The following NIPBL variants were observed in gnomAD, a reference collection of about 807,000 sequenced individuals.
The protein encoded by NIPBL is nipped-B-like protein.
A neutral mutation model predicts 321.8 loss-of-function variants in NIPBL; 19 were observed. The ratio of observed to expected loss-of-function variants is 0.06; its 90% CI spans 0.04 to 0.09. NIPBL has a LOEUF of 0.09. Ranked by LOEUF, NIPBL falls within the 10% of genes least tolerant of loss-of-function variation. The probability of loss-of-function intolerance (pLI) is 1.00; values close to 1 mark genes in which losing one functional copy is unlikely to be tolerated. For synonymous variants in NIPBL, 1,106 were observed against 1,114.1 expected (o/e 0.99, Z 0.14); for missense variants, 2,210 against 3,327.0 (o/e 0.66, Z 8.26).
chr5:36,973,530 T>C (rs1743112823), intron 8 of NIPBL, among the ~76,000 whole-genome samples: 1 of 151,968 alleles, frequency 6.6e-6, no homozygotes. Flanking sequence ...TGCAGTGGCA[T>C]GATCTCGGCT....
chr5:37,017,691 TA>T (rs1453006542), intron 24 of NIPBL, among the ~76,000 whole-genome samples: 1 of 151,936 alleles, frequency 6.6e-6, no homozygotes. Context: ...AATCCTACTA[TA>T]TACAACTTCT....
Position 36,984,906 on chromosome 5 carries a change from G to T in NIPBL, c.1726G>T (p.Ala576Ser). ...KPEEIKQCND[A>S]PVSVLQEDIV... ...TGAAGAAATCAAACAATGTAATGAT[G>T]CACCTGTTTCTGTTCTTCAGGAAGA... is the stretch of plus-strand genomic sequence containing the variant. Residue 576 changes from alanine (A) to serine (S), a missense_variant, in exon 10 of 47, where the codon GCA (alanine) becomes TCA (serine). Ala to Ser is a moderately conservative substitution (Grantham distance 99). This residue lies in a region of NIPBL where 588 missense variants were observed against 564.1 expected (regional missense o/e 1.04). Coordinates refer to ENST00000282516, the MANE Select transcript of NIPBL (RefSeq NM_133433.4). The T allele has an allele frequency of 6.2e-7, 1 of 1,613,812 alleles. No individual in the cohort carries two copies. The highest frequency in any genetic ancestry group is 8.5e-7 in the Non-Finnish European group (1 of 1,179,880).
At chr5:37,040,729 C>T (rs1244467181) in intron 34 of NIPBL, among the ~76,000 whole-genome samples, 1 of 152,106 alleles carries the variant, frequency 6.6e-6, no homozygotes, top group Non-Finnish European at 1.5e-5. Flanking sequence ...AGTGGACTTG[C>T]TAGGTTGAAA....
chr5:36,923,983 C>G (rs1247791823), intron 1 of NIPBL, among the ~76,000 whole-genome samples: 1 of 152,036 alleles, frequency 6.6e-6, no homozygotes, highest in Non-Finnish European at 1.5e-5. Context: ...ACTAATTGTC[C>G]TATAGATGAC....
intron 42 of NIPBL, 80 bp downstream of exon 42, chr5:37,052,646 A>G: frequency 1.9e-6 from 2 of 1,047,164 alleles, no homozygotes; most frequent in South Asian, 2.7e-5. Context: ...TTTAAATATT[A>G]CCATTTTATT....
At chr5:36,910,412 C>CT (rs1034566525) in intron 1 of NIPBL, among the ~76,000 whole-genome samples, 4 of 152,144 alleles carry the variant, frequency 2.6e-5, no homozygotes, top group Non-Finnish European at 4.4e-5. Flanking sequence ...TCATGGGCAC[C>CT]TTAGGCTCAG....
At chr5:36,887,461 G>A (rs139807317) in intron 1 of NIPBL, among the ~76,000 whole-genome samples, 13 of 152,218 alleles carry the variant, frequency 8.5e-5, no homozygotes, top group East Asian at 7.7e-4. Flanking sequence ...GAAAATTGGG[G>A]GCAGATAATG....
Position 36,985,043 on chromosome 5 carries a change from A to G in NIPBL, c.1863A>G (p.Ala621=). ...TGAAACAAAGTGAAAGTAGATTAGCAGAATCTAAACCAAATGAAAACCGAT... is the reference window on the plus strand; with the variant it reads ...TGAAACAAAGTGAAAGTAGATTAGCGGAATCTAAACCAAATGAAAACCGAT... ...SEMKQSESRL[A]ESKPNENRLV... Residue 621 remains alanine (A), a synonymous_variant, in exon 10 of 47, where the codon GCA becomes GCG. Transcript: ENST00000282516. 1 of 1,613,946 alleles carries G rather than the reference A, an allele frequency of 6.2e-7. No individual in the cohort carries two copies. The highest frequency in any genetic ancestry group is 8.5e-7 in the Non-Finnish European group (1 of 1,179,962).
chr5:36,942,623 C>T (rs879411735), intron 1 of NIPBL, among the ~76,000 whole-genome samples: 1 of 150,796 alleles, frequency 6.6e-6, no homozygotes, highest in Non-Finnish European at 1.5e-5. Flanking sequence ...CACCTGTAGC[C>T]CCAGCTACTT....
intron 10 of NIPBL, among the ~76,000 whole-genome samples, chr5:36,990,968 A>G (rs1026768021): frequency 1.1e-4 from 16 of 152,132 alleles, no homozygotes; most frequent in African/African-American, 3.9e-4. Context: ...ATAATCTTTG[A>G]CATGCTAAAT....
chr5:36,936,806 C>G (rs928688279), intron 1 of NIPBL, among the ~76,000 whole-genome samples: 1 of 150,586 alleles, frequency 6.6e-6, no homozygotes, highest in Non-Finnish European at 1.5e-5. Context: ...ATGGTGATAA[C>G]GAGACTTAAC....
At chr5:36,908,277 TCTTAA>T (rs1747793078) in intron 1 of NIPBL, among the ~76,000 whole-genome samples, 1 of 152,186 alleles carries the variant, frequency 6.6e-6, no homozygotes, top group Non-Finnish European at 1.5e-5. Context: ...CTTTAAGTCT[TCTTAA>T]CTTAAAAAAA....
At position 36,883,378 on chromosome 5, in the gene NIPBL, T is replaced by C. The variant is rs115297962; in HGVS notation, c.-80+6200T>C. Among the ~76,000 whole-genome samples the C allele has an allele frequency of 8.1e-3, 1,236 of 151,946 alleles. 12 individuals are homozygous for C. Among genetic ancestry groups the C allele is most frequent in the African/African-American group, 0.028 (1,174 of 41,530 alleles). ...TTTATTAAAATAATTATATATATACTTTTGCCTCTCCTGAGAAATGCAGAA... is the reference window on the plus strand; with the variant it reads ...TTTATTAAAATAATTATATATATACCTTTGCCTCTCCTGAGAAATGCAGAA... On this transcript the variant is annotated intron_variant, in intron 1 of 46. Coordinates refer to ENST00000282516, the MANE Select transcript of NIPBL (RefSeq NM_133433.4).
In NIPBL at chr5:37,057,078, C is replaced by A; in HGVS notation, c.7264-108C>A. 2.8e-6 allele frequency: 3 copies of A among 1,054,556 alleles called. No individual in the cohort carries two copies. In the Admixed American group the frequency reaches 5.9e-5, roughly 21 times the overall value. The allele number at this position is 1,054,556 out of a possible 1,614,324, so 65.3% of individuals were successfully genotyped here. A position where few individuals can be genotyped will look rare whatever the true frequency, so the allele number is the denominator to read the frequency against. Reference sequence around the variant, plus strand: ...TCCGTGTGTGTCTGCTTATCTCTGTCTAACATTAAGTGAGGTGAAAGTGCC... The same window carrying A: ...TCCGTGTGTGTCTGCTTATCTCTGTATAACATTAAGTGAGGTGAAAGTGCC... On this transcript the variant is annotated intron_variant, in intron 42 of 46. Coordinates refer to ENST00000282516, the MANE Select transcript of NIPBL (RefSeq NM_133433.4).
At chr5:37,042,295 C>T (rs1216983630) in intron 34 of NIPBL, among the ~76,000 whole-genome samples, 3 of 151,432 alleles carry the variant, frequency 2.0e-5, no homozygotes, top group South Asian at 2.1e-4. Context: ...ATTAGCCAAG[C>T]ATGGTGGTGC....
At chr5:37,036,668 G>A (rs183502295) in intron 33 of NIPBL, among the ~76,000 whole-genome samples, 181 bp downstream of exon 33, 1 of 149,390 alleles carries the variant, frequency 6.7e-6, no homozygotes, top group Non-Finnish European at 1.5e-5. Context: ...ATTATATTAA[G>A]ATTGACTAAG....
chr5:36,917,741 T>C (rs1282935400), intron 1 of NIPBL, among the ~76,000 whole-genome samples: 1 of 152,208 alleles, frequency 6.6e-6, no homozygotes, highest in Non-Finnish European at 1.5e-5. Context: ...TTTCTACATA[T>C]GGCTAGCCAG....
At chr5:37,060,723 T>C (rs1754576666) in intron 44 of NIPBL, 121 bp from the exon 45 acceptor site, 3 of 808,744 alleles carry the variant, frequency 3.7e-6, no homozygotes, top group Non-Finnish European at 5.9e-6. Context: ...ATCACAATAG[T>C]ATTAAAAATA....
intron 42 of NIPBL, 67 bp downstream of exon 42, chr5:37,052,633 T>C: frequency 8.4e-7 from 1 of 1,189,914 alleles, no homozygotes; most frequent in South Asian, 1.3e-5. Context: ...AAAGTAGTCA[T>C]TTTTTAAATA....
Sources: allele counts gnomAD v4.1 joint callset (sites outside exome capture counted in the v4.1 genomes callset), GRCh38; gene constraint gnomAD v4.1.1; regional missense constraint gnomAD v4.1.1; transcripts MANE v1.5; gene names NCBI Gene and HGNC (gene_info 2026-07-23, HGNC 2026-07-21).